ZNF101: variants seen among roughly 807,000 people sequenced by gnomAD.
ZNF101 encodes the protein zinc finger protein 101 (Y2).
Under a neutral mutation model 42.6 loss-of-function variants are expected in ZNF101, and 34 were observed. That is an observed-to-expected ratio of 0.80 (90% confidence interval 0.61 to 1.06). The LOEUF is 1.06. Ranked by LOEUF, ZNF101 falls within the 50% of genes least tolerant of loss-of-function variation. The probability of loss-of-function intolerance (pLI) is 0.00; values close to 1 mark genes in which losing one functional copy is unlikely to be tolerated. For missense variants in ZNF101, 466 were observed against 530.9 expected, an observed-to-expected ratio of 0.88 and a Z score of 1.20; for synonymous variants, 158 against 183.9, an observed-to-expected ratio of 0.86 and a Z score of 1.14.
At chr19:19,678,873 A>C in intron 3 of ZNF101, 87 bp downstream of exon 3, 1 of 1,208,314 alleles carries the variant, frequency 8.3e-7, no homozygotes, top group Non-Finnish European at 1.2e-6. Flanking sequence ...AAGACAAATA[A>C]GTACAATGTT....
At chr19:19,673,666 G>A (rs2062184815) in intron 1 of ZNF101, among the ~76,000 whole-genome samples, 1 of 114,740 alleles carries the variant, frequency 8.7e-6, no homozygotes, top group African/African-American at 3.3e-5. Flanking sequence ...TCTTGGTTTT[G>A]TAATTTCTAA....
At chr19:19,672,149 A>C (rs988112660) in intron 1 of ZNF101, 1 of 148,142 alleles carries the variant, frequency 6.8e-6, no homozygotes, top group African/African-American at 2.5e-5. Context: ...ATATTTATAA[A>C]TTTTATGTAT....
Position 19,681,312 on chromosome 19 carries a change from T to C in ZNF101, c.*1012T>C, listed in dbSNP as rs1231008918. On this transcript the variant is annotated 3_prime_UTR_variant, in exon 4 of 4. Transcript: ENST00000592502. ...AAAAATTGTAGAAATGTACAGAATATGGGGAAACTCTCATTGCTCTCATCT... is the reference window on the plus strand; with the variant it reads ...AAAAATTGTAGAAATGTACAGAATACGGGGAAACTCTCATTGCTCTCATCT... 2 of 152,154 alleles carry C rather than the reference T, an allele frequency of 1.3e-5. No homozygotes were observed. Among genetic ancestry groups the C allele is most frequent in the Non-Finnish European group, 2.9e-5 (2 of 68,036 alleles). The allele number at this position is 152,154 out of a possible 1,614,324, so 9.4% of individuals were successfully genotyped here.
rs575446126 is a variant in ZNF101, at chr19:19,682,222, CT to C, written c.*1934del. ...ACAGGTGTGAGCCACCGCGCCTGGC[CT>C]TTTTTTTTTTTCCCGAGACACAGTC... On this transcript the variant is annotated 3_prime_UTR_variant, in exon 4 of 4. Coordinates refer to ENST00000592502, the MANE Select transcript of ZNF101 (RefSeq NM_033204.4). 9.3e-4 allele frequency: 128 copies of C among 138,358 alleles called. No homozygotes were observed. The highest frequency in any genetic ancestry group is 8.8e-4 in the Admixed American group (12 of 13,626). 8.6% of individuals were successfully genotyped at this position (138,358 alleles called of 1,614,324 possible). A position where few individuals can be genotyped will look rare whatever the true frequency, so the allele number is the denominator to read the frequency against.
Position 19,679,815 on chromosome 19 carries a change from C to T in ZNF101, c.826C>T (p.His276Tyr). 1.2e-6 allele frequency: 2 copies of T among 1,613,728 alleles called. No individual in the cohort carries two copies. Among genetic ancestry groups the T allele is most frequent in the South Asian group, 1.1e-5 (1 of 91,056 alleles). Residue 276 changes from histidine (H) to tyrosine (Y), a missense_variant, in exon 4 of 4, where the codon CAC (histidine) becomes TAC (tyrosine). By Grantham distance (83) the His-to-Tyr change is moderately conservative (BLOSUM62 2). Coordinates refer to ENST00000592502, the MANE Select transcript of ZNF101 (RefSeq NM_033204.4). ...CCTTCGGACACATGAAATCAGATCT[C>T]ACGCGCTGGAGAAATCCCACCAATG... Reference protein sequence around the residue: ...GYLRTHEIRSHALEKSHQCQE... With the variant: ...GYLRTHEIRSYALEKSHQCQE...
chr19:19,679,499 A>C lies in ZNF101; in HGVS notation c.510A>C (p.Glu170Asp). ...TVTPTRKRPY[E>D]CKVCGKAFNS... ...CACCAACTCGAAAGAGACCTTATGA[A>C]TGCAAGGTGTGCGGGAAAGCCTTTA... The change falls in exon 4 of 4, where the codon GAA (glutamate) becomes GAC (aspartate). Residue 170 changes from glutamate (E) to aspartate (D), a missense_variant. Physicochemically the swap from Glu to Asp is conservative, Grantham distance 45. Coordinates refer to ENST00000592502, the MANE Select transcript of ZNF101 (RefSeq NM_033204.4). The C allele has an allele frequency of 3.1e-6, 5 of 1,614,172 alleles. No individual in the cohort carries two copies. Among genetic ancestry groups the C allele is most frequent in the Non-Finnish European group, 4.2e-6 (5 of 1,180,044 alleles).
intron 1 of ZNF101, among the ~76,000 whole-genome samples, chr19:19,674,546 C>A (rs1177800296): frequency 6.6e-6 from 1 of 152,144 alleles, no homozygotes; most frequent in African/African-American, 2.4e-5. Context: ...TCATATAATC[C>A]TTTAAATATG....
At chr19:19,677,832 C>CCCT (rs765954647) in intron 1 of ZNF101, 32 bp from the exon 2 acceptor site, 13 of 1,603,490 alleles carry the variant, frequency 8.1e-6, no homozygotes, top group Non-Finnish European at 9.4e-6. Flanking sequence ...TGAGTCTCAC[C>CCCT]CCTCCTCCTC....
chr19:19,673,198 G>A (rs1447342093), intron 1 of ZNF101, among the ~76,000 whole-genome samples: 1 of 148,650 alleles, frequency 6.7e-6, no homozygotes, highest in African/African-American at 2.5e-5. Context: ...TGATTTGCCT[G>A]CCTTGGCCTC....
Position 19,682,877 on chromosome 19 carries a change from T to G in ZNF101, c.*2577T>G, listed in dbSNP as rs944353471. ...GCTCTGTCGCCAGGCTGAAGTGTAGTGGCGCGATCTTGGCTCACTGCAACC... is the reference window on the plus strand; with the variant it reads ...GCTCTGTCGCCAGGCTGAAGTGTAGGGGCGCGATCTTGGCTCACTGCAACC... On this transcript the variant is annotated 3_prime_UTR_variant, in exon 4 of 4. Transcript: ENST00000592502. 6.6e-6 allele frequency: 1 copy of G among 152,208 alleles called. No individual in the cohort carries two copies. Among genetic ancestry groups the G allele is most frequent in the African/African-American group, 2.4e-5 (1 of 41,448 alleles). 9.4% of individuals were successfully genotyped at this position (152,208 alleles called of 1,614,324 possible).
intron 1 of ZNF101, among the ~76,000 whole-genome samples, chr19:19,674,680 A>T (rs1379799046): frequency 3.3e-5 from 5 of 152,118 alleles, no homozygotes; most frequent in Admixed American, 3.3e-4. Context: ...GACCTCATAG[A>T]GGGAGTTTGG....
intron 1 of ZNF101, among the ~76,000 whole-genome samples, chr19:19,672,713 C>CA (rs1320218026): frequency 6.6e-6 from 1 of 151,762 alleles, no homozygotes; most frequent in African/African-American, 2.4e-5. Flanking sequence ...TTTTAGTAGA[C>CA]ACGGGGTTTC....
At chr19:19,673,210 C>T (rs904014646) in intron 1 of ZNF101, among the ~76,000 whole-genome samples, 2 of 149,732 alleles carry the variant, frequency 1.3e-5, no homozygotes, top group Non-Finnish European at 3.0e-5. Context: ...CTTGGCCTCC[C>T]AAAGTGGTGG....
chr19:19,673,316 C>G lies in ZNF101; in HGVS notation c.3+4350C>G, dbSNP rs541226410. Among the ~76,000 whole-genome samples the G allele has an allele frequency of 2.2e-5, 3 of 138,516 alleles. No individual in the cohort carries two copies. In the South Asian group the frequency reaches 7.1e-4, roughly 33 times the overall value. The allele number at this position is 138,516 out of a possible 152,430, so 90.9% of individuals were successfully genotyped here. On this transcript the variant is annotated intron_variant, in intron 1 of 3. Transcript: ENST00000592502. ...CGAGGCTGGGGTTCAGTGGCATGAT[C>G]TCGGCTCACTGCAACCTCCACCTTC... is the stretch of plus-strand genomic sequence containing the variant.
intron 1 of ZNF101, chr19:19,672,065 G>A (rs1244253978): frequency 7.1e-6 from 1 of 140,856 alleles, no homozygotes; most frequent in Non-Finnish European, 1.5e-5. Flanking sequence ...CTTAAAAAAT[G>A]TGTGTGTGTA....
At chr19:19,673,375 G>C (rs369209865) in intron 1 of ZNF101, among the ~76,000 whole-genome samples, 1 of 150,510 alleles carries the variant, frequency 6.6e-6, no homozygotes, top group East Asian at 2.0e-4. Context: ...TCAGTCTCCG[G>C]AGTAGCTGGG....
chr19:19,679,153 T>C (rs2062220309), intron 3 of ZNF101, 28 bp from the exon 4 acceptor site: 1 of 1,601,194 alleles, frequency 6.2e-7, no homozygotes, highest in Non-Finnish European at 8.5e-7. Context: ...AAACCAAGCA[T>C]TGATAATGCG....
Position 19,668,983 on chromosome 19 carries a change from G to T in ZNF101, c.3+17G>T. ...CCGGAAATGGTGAGCGTGCGGAGCC[G>T]GGCGTCCGGAGACCTGAGGAGGAGC... is the stretch of plus-strand genomic sequence containing the variant. On this transcript the variant is annotated intron_variant, in intron 1 of 3. Coordinates refer to ENST00000592502, the MANE Select transcript of ZNF101 (RefSeq NM_033204.4). 1 of 1,583,594 alleles carries T rather than the reference G, an allele frequency of 6.3e-7. No homozygotes were observed. The highest frequency in any genetic ancestry group is 2.3e-5 in the East Asian group (1 of 43,610).
chr19:19,679,682 A>G lies in ZNF101; in HGVS notation c.693A>G (p.Gly231=), dbSNP rs1184475692. The G allele has an allele frequency of 6.2e-7, 1 of 1,614,026 alleles. No homozygotes were observed. The highest frequency in any genetic ancestry group is 2.2e-5 in the East Asian group (1 of 44,902). ...AACGCTATGAATGTAAATACTGTGG[A>G]AAACCTATCGATTATCCCAGTTTAT... ...GEKRYECKYC[G]KPIDYPSLFQ... The change falls in exon 4 of 4, where the codon GGA becomes GGG. Residue 231 remains glycine, a synonymous_variant. Transcript: ENST00000592502.
Sources: allele counts gnomAD v4.1 joint callset (sites outside exome capture counted in the v4.1 genomes callset), GRCh38; gene constraint gnomAD v4.1.1; transcripts MANE v1.5; gene names NCBI Gene and HGNC (gene_info 2026-07-23, HGNC 2026-07-21).